Variants in ITPRID2 observed in about 807,000 individuals in gnomAD.
ITPRID2 encodes the protein protein ITPRID2.
In ITPRID2, 60 loss-of-function variants were observed where a neutral mutation model predicts 124.3. The observed-to-expected ratio is 0.48, with a 90% CI of 0.39 to 0.60. ITPRID2 has a LOEUF of 0.60. ITPRID2 is among the 20% of genes least tolerant of loss of function. The pLI is 0.00. For missense variants in ITPRID2, 1,553 were observed against 1,512.2 expected (o/e 1.03, Z -0.45); for synonymous variants, 521 against 542.9 (o/e 0.96, Z 0.56).
In ITPRID2 at chr2:181,919,567, C is replaced by T; in HGVS notation, c.3144+121C>T. On this transcript the variant is annotated intron_variant, in intron 14 of 17. Transcript: ENST00000431877. This position sits in a 1 kb window ranked among gnomAD's most constrained non-coding sequence, Gnocchi z 4.2. ...TTTAATGGTATTAAAAGCATGCATA[C>T]TGTTTAAGGAGCTTTCCCACAAATC... 1 of 1,042,462 alleles carries T rather than the reference C, an allele frequency of 9.6e-7. No individual in the cohort carries two copies. Among genetic ancestry groups the T allele is most frequent in the South Asian group, 2.4e-5 (1 of 41,372 alleles). 64.6% of individuals were successfully genotyped at this position (1,042,462 alleles called of 1,614,324 possible).
chr2:181,921,835 A>G (rs1182222627), intron 15 of ITPRID2, 113 bp from the exon 16 acceptor site: 2 of 904,656 alleles, frequency 2.2e-6, no homozygotes, highest in Non-Finnish European at 1.7e-6. Flanking sequence ...GAATAGATTT[A>G]TGTCTTTACA....
chr2:181,923,675 G>C (rs1304220009), intron 16 of ITPRID2, among the ~76,000 whole-genome samples: 1 of 151,842 alleles, frequency 6.6e-6, no homozygotes, highest in African/African-American at 2.4e-5. Flanking sequence ...TGGGTTTTAA[G>C]GTAATTTTTT....
rs866970743 is a variant in ITPRID2, at chr2:181,918,523, G to A, written c.2788-75G>A. ...GAAAAATATATAGGCCCCAAATTCT[G>A]CCTTTTAACCCCTTAAGTGATTTGG... On this transcript the variant is annotated intron_variant, in intron 11 of 17. Transcript: ENST00000431877. 360 of 1,577,256 alleles carry A rather than the reference G, an allele frequency of 2.3e-4. 1 individual carries two copies. Among genetic ancestry groups the A allele is most frequent in the Admixed American group, 1.4e-4 (7 of 50,524 alleles).
intron 2 of ITPRID2, chr2:181,894,497 G>A (rs1197273650): frequency 1.3e-5 from 2 of 152,100 alleles, no homozygotes; most frequent in Admixed American, 6.5e-5. Flanking sequence ...TCACAGATTC[G>A]ACTTAGGATA....
Position 181,907,038 on chromosome 2 carries a change from A to C in ITPRID2, c.1414-2861A>C, listed in dbSNP as rs1187066055. On this transcript the variant is annotated intron_variant, in intron 8 of 17. Coordinates refer to ENST00000431877, the MANE Select transcript of ITPRID2 (RefSeq NM_001130445.3). This position sits in a 1 kb window ranked among gnomAD's most constrained non-coding sequence, Gnocchi z 5.1. ...AAGCTCTAGTTTTGATTTTCTTTGA[A>C]AACCATTTTGATATACAATGTTTAT... 6.6e-6 allele frequency among the ~76,000 whole-genome samples: 1 copy of C among 152,224 alleles called. No homozygotes were observed. The highest frequency in any genetic ancestry group is 1.5e-5 in the Non-Finnish European group (1 of 68,030).
rs767388080 is a variant in ITPRID2, at chr2:181,900,747, T to C, written c.555T>C (p.Tyr185=). 10 of 1,612,824 alleles carry C rather than the reference T, an allele frequency of 6.2e-6. No homozygotes were observed. In the East Asian group the frequency reaches 2.0e-4, roughly 32 times the overall value. Residue 185 remains tyrosine, a synonymous_variant, in exon 7 of 18, where the codon TAT becomes TAC. Transcript: ENST00000431877. ...LYEEDPEEIL[Y]NLGFGRDEPD... ...AGGAAGATCCTGAAGAAATTCTTTA[T>C]AATCTTGGATTTGGACGTGATGAAC...
rs1691822930 is a variant in ITPRID2, at chr2:181,892,538, C to T, written c.212-77C>T. On this transcript the variant is annotated intron_variant, in intron 1 of 17. Coordinates refer to ENST00000431877, the MANE Select transcript of ITPRID2 (RefSeq NM_001130445.3). This position sits in a 1 kb window ranked among gnomAD's most constrained non-coding sequence, Gnocchi z 5.2. ...GCATTTGCCGTGGTAGATTTTCCTA[C>T]TTGGGAGGGTCCAGGGTGACTCCGC... The T allele has an allele frequency of 8.9e-6, 14 of 1,572,468 alleles. No homozygotes were observed. Among genetic ancestry groups the T allele is most frequent in the Non-Finnish European group, 1.2e-5 (14 of 1,142,566 alleles).
At chr2:181,924,073 A>G (rs1694679973) in intron 16 of ITPRID2, among the ~76,000 whole-genome samples, 1 of 152,218 alleles carries the variant, frequency 6.6e-6, no homozygotes, top group African/African-American at 2.4e-5. Flanking sequence ...TATTTAAACC[A>G]TTAATTAGAA....
At position 181,900,862 on chromosome 2, in the gene ITPRID2, A is replaced by G. The variant is rs138928977; in HGVS notation, c.670A>G (p.Met224Val). 1.9e-6 allele frequency: 3 copies of G among 1,612,166 alleles called. No individual in the cohort carries two copies. The African/African-American group carries it at 4.0e-5, about 22-fold the overall frequency. ...IDIKVFLSAQ[M>V]QRMEVENPNY... ...TATTAAAGTATTTTTGAGTGCTCAG[A>G]TGCAACGGATGGAAGTAGAAAACCC... Residue 224 changes from methionine (M) to valine (V), a missense_variant, in exon 7 of 18, where the codon ATG (methionine) becomes GTG (valine). Met to Val is a conservative substitution (Grantham distance 21). Transcript: ENST00000431877.
Position 181,929,626 on chromosome 2 carries a change from T to C in ITPRID2, c.*79T>C. On this transcript the variant is annotated 3_prime_UTR_variant, in exon 18 of 18. Transcript: ENST00000431877. ...CAATGATATGCACTGGTGGAGGTGT[T>C]ATTTGTGCTTTAGAAGATACTTGCT... 6.2e-7 allele frequency: 1 copy of C among 1,612,978 alleles called. No individual in the cohort carries two copies. The highest frequency in any genetic ancestry group is 8.5e-7 in the Non-Finnish European group (1 of 1,179,304).
At chr2:181,921,414 G>T (rs1694471840) in intron 15 of ITPRID2, among the ~76,000 whole-genome samples, 1 of 151,782 alleles carries the variant, frequency 6.6e-6, no homozygotes, top group African/African-American at 2.4e-5. Flanking sequence ...GGAGGCGGAG[G>T]TTGCAGTGAG....
chr2:181,896,765 C>A lies in ITPRID2; in HGVS notation c.308-143C>A. 1 of 671,622 alleles carries A rather than the reference C, an allele frequency of 1.5e-6. No individual in the cohort carries two copies. The highest frequency in any genetic ancestry group is 2.7e-6 in the Non-Finnish European group (1 of 375,318). 41.6% of individuals were successfully genotyped at this position (671,622 alleles called of 1,614,324 possible). Reference sequence around the variant, plus strand: ...TACCTGCTTCTTGAAGTTATATAATCAGAATAATGTCTGAGTACATTCAAG... The same window carrying A: ...TACCTGCTTCTTGAAGTTATATAATAAGAATAATGTCTGAGTACATTCAAG... On this transcript the variant is annotated intron_variant, in intron 3 of 17. Coordinates refer to ENST00000431877, the MANE Select transcript of ITPRID2 (RefSeq NM_001130445.3). This position sits in a 1 kb window ranked among gnomAD's most constrained non-coding sequence, Gnocchi z 4.3.
chr2:181,903,381 A>G (rs1692836721), intron 8 of ITPRID2, among the ~76,000 whole-genome samples: 1 of 152,206 alleles, frequency 6.6e-6, no homozygotes, highest in Admixed American at 6.5e-5. Context: ...TTTGTAATTT[A>G]TTACATTAGA....
In ITPRID2 at chr2:181,902,454, C is replaced by T. The variant is rs763088774; in HGVS notation, c.1401C>T (p.Phe467=). The change falls in exon 8 of 18, where the codon TTC becomes TTT. Residue 467 remains phenylalanine, a synonymous_variant. Transcript: ENST00000431877. The surrounding 1 kb of genome is among the most constrained non-coding windows in gnomAD (Gnocchi z 4.4). ...RNIMTQQKDS[F]EMEEVQSTEG... ...TAATGACACAGCAGAAGGACTCCTT[C>T]GAAATGGAAGAGGTAGGTAAAAAAT... 9.0e-6 allele frequency: 14 copies of T among 1,548,094 alleles called. No homozygotes were observed. The East Asian group carries it at 1.6e-4, about 18-fold the overall frequency.
At chr2:181,927,974 C>T (rs902648612) in intron 16 of ITPRID2, among the ~76,000 whole-genome samples, 187 bp from the exon 17 acceptor site, 9 of 152,226 alleles carry the variant, frequency 5.9e-5, no homozygotes, top group African/African-American at 2.2e-4. Context: ...CTAGACCAGT[C>T]CTTGGGAGTC....
At chr2:181,923,485 T>A (rs1694632654) in intron 16 of ITPRID2, among the ~76,000 whole-genome samples, 1 of 152,228 alleles carries the variant, frequency 6.6e-6, no homozygotes, top group South Asian at 2.1e-4. Context: ...ACAAATGTAA[T>A]TATTTTTGTA....
At chr2:181,929,309 T>C (rs953799885) in intron 17 of ITPRID2, among the ~76,000 whole-genome samples, 1 of 152,016 alleles carries the variant, frequency 6.6e-6, no homozygotes, top group South Asian at 2.1e-4. Flanking sequence ...ATTTGAAAAG[T>C]ATAATATACA....
chr2:181,898,005 G>C (rs1692349988), intron 4 of ITPRID2, among the ~76,000 whole-genome samples: 1 of 151,856 alleles, frequency 6.6e-6, no homozygotes, highest in Non-Finnish European at 1.5e-5. Flanking sequence ...TATTTGCCTT[G>C]GTAGTTTGAT....
At chr2:181,924,773 T>C (rs1694726231) in intron 16 of ITPRID2, among the ~76,000 whole-genome samples, 1 of 152,236 alleles carries the variant, frequency 6.6e-6, no homozygotes, top group South Asian at 2.1e-4. Flanking sequence ...AAATATTTAA[T>C]ACACTAATTA....
Sources: allele counts gnomAD v4.1 joint callset (sites outside exome capture counted in the v4.1 genomes callset), GRCh38; gene constraint gnomAD v4.1.1; non-coding constraint Gnocchi (gnomAD v3.1); transcripts MANE v1.5; gene names NCBI Gene and HGNC (gene_info 2026-07-23, HGNC 2026-07-21).